Variants in ADAMTS6 observed in about 807,000 individuals in gnomAD.
ADAMTS6 encodes ADAM metallopeptidase with thrombospondin type 1 motif 6.
Under a neutral mutation model 144.3 loss-of-function variants are expected in ADAMTS6, and 23 were observed. The observed-to-expected ratio is 0.16, with a 90% CI of 0.11 to 0.23. The LOEUF is 0.23. ADAMTS6 is among the 10% of genes least tolerant of loss of function. The pLI is 1.00. For synonymous variants in ADAMTS6, 444 were observed against 457.5 expected, an observed-to-expected ratio of 0.97 and a Z score of 0.38; for missense variants, 999 against 1,379.6, an observed-to-expected ratio of 0.72 and a Z score of 4.37.
intron 3 of ADAMTS6, among the ~76,000 whole-genome samples, chr5:65,468,225 A>T (rs1381907854): frequency 6.6e-6 from 1 of 152,274 alleles, no homozygotes; most frequent in South Asian, 2.1e-4. Context: ...GAAAACACTA[A>T]TGATCTCTGC....
At chr5:65,293,423 G>A (rs1207852223) in intron 10 of ADAMTS6, among the ~76,000 whole-genome samples, 2 of 152,016 alleles carry the variant, frequency 1.3e-5, no homozygotes, top group East Asian at 1.9e-4. Context: ...TCACCTAAGT[G>A]ACACCAGCTT....
intron 12 of ADAMTS6, among the ~76,000 whole-genome samples, chr5:65,272,922 C>T (rs1186107382): frequency 6.8e-6 from 1 of 147,236 alleles, no homozygotes; most frequent in African/African-American, 2.5e-5. Flanking sequence ...CCATGAGACC[C>T]TGTCTCAAAA....
chr5:65,258,995 T>C (rs952822182), intron 14 of ADAMTS6, among the ~76,000 whole-genome samples: 5 of 151,984 alleles, frequency 3.3e-5, no homozygotes, highest in South Asian at 4.2e-4. Context: ...GAAAGGAGTA[T>C]TGGTAGAGCA....
At chr5:65,391,453 T>C (rs1752908447) in intron 7 of ADAMTS6, among the ~76,000 whole-genome samples, 2 of 150,622 alleles carry the variant, frequency 1.3e-5, no homozygotes, top group South Asian at 2.1e-4. Context: ...CACACACACT[T>C]TTTTTTCTCA....
chr5:65,324,684 A>G (rs1405141984), intron 9 of ADAMTS6, among the ~76,000 whole-genome samples: 2 of 152,074 alleles, frequency 1.3e-5, no homozygotes, highest in African/African-American at 4.8e-5. Flanking sequence ...AATACAGTTC[A>G]ATAAGAAAAG....
At chr5:65,317,840 G>A (rs1007861131) in intron 9 of ADAMTS6, among the ~76,000 whole-genome samples, 2 of 152,066 alleles carry the variant, frequency 1.3e-5, no homozygotes, top group African/African-American at 4.8e-5. Flanking sequence ...TTGGGAGGCC[G>A]AGGCGGGTGG....
At chr5:65,462,289 T>C (rs887764410) in intron 3 of ADAMTS6, among the ~76,000 whole-genome samples, 1 of 152,152 alleles carries the variant, frequency 6.6e-6, no homozygotes, top group African/African-American at 2.4e-5. Flanking sequence ...ACAGTCCAGA[T>C]AGGCTAGAGA....
chr5:65,423,186 G>C (rs1462588061), intron 7 of ADAMTS6, among the ~76,000 whole-genome samples: 5 of 152,170 alleles, frequency 3.3e-5, no homozygotes, highest in African/African-American at 7.2e-5. Context: ...GATAGGAGGA[G>C]GGTGAGGAAT....
intron 9 of ADAMTS6, among the ~76,000 whole-genome samples, chr5:65,326,817 G>A (rs1746217302): frequency 6.6e-6 from 1 of 152,112 alleles, no homozygotes; most frequent in African/African-American, 2.4e-5. Context: ...TGCCAGAGTT[G>A]ACCGCTAAGT....
intron 7 of ADAMTS6, among the ~76,000 whole-genome samples, chr5:65,353,523 G>A (rs562145469): frequency 5.3e-5 from 8 of 151,864 alleles, no homozygotes; most frequent in Non-Finnish European, 1.2e-4. Flanking sequence ...GGAATGCTGG[G>A]TAAACATTAA....
At chr5:65,237,932 C>G (rs1758818648) in intron 15 of ADAMTS6, among the ~76,000 whole-genome samples, 1 of 151,660 alleles carries the variant, frequency 6.6e-6, no homozygotes, top group South Asian at 2.1e-4. Flanking sequence ...ACAAAAAATA[C>G]AAAAATTAGC....
intron 14 of ADAMTS6, among the ~76,000 whole-genome samples, chr5:65,253,368 T>G (rs2112553962): frequency 6.6e-6 from 1 of 152,348 alleles, no homozygotes. Context: ...TCATTTGAAC[T>G]TATTCACTGT....
chr5:65,362,394 T>C (rs957495690), intron 7 of ADAMTS6, among the ~76,000 whole-genome samples: 1 of 152,208 alleles, frequency 6.6e-6, no homozygotes, highest in African/African-American at 2.4e-5. Flanking sequence ...GAAAAGTACT[T>C]AAACTTATTA....
At chr5:65,289,951 T>C (rs541825293) in intron 11 of ADAMTS6, among the ~76,000 whole-genome samples, 7 of 152,210 alleles carry the variant, frequency 4.6e-5, no homozygotes, top group African/African-American at 1.7e-4. Flanking sequence ...TATTGAAACA[T>C]AAACAACCTA....
chr5:65,281,579 GAA>G (rs1447117261), intron 11 of ADAMTS6, among the ~76,000 whole-genome samples: 3 of 151,898 alleles, frequency 2.0e-5, no homozygotes, highest in African/African-American at 7.3e-5. Flanking sequence ...GGTCTTCCAA[GAA>G]ACAAGACATT....
Position 65,224,905 on chromosome 5 carries a change from G to A in ADAMTS6, c.2191+19C>T. On this transcript the variant is annotated intron_variant, in intron 17 of 24. Transcript: ENST00000381055. The stretch of plus-strand genomic sequence containing the variant: ...AAGTACACCAGAGGTGTGAGGAAGA[G>A]TTCTCTCTACATACTCACCTCCCCT... 6.2e-7 allele frequency: 1 copy of A among 1,603,588 alleles called. No individual in the cohort carries two copies. Among genetic ancestry groups the A allele is most frequent in the Admixed American group, 1.8e-5 (1 of 57,102 alleles).
At chr5:65,361,616 T>G (rs931937439) in intron 7 of ADAMTS6, among the ~76,000 whole-genome samples, 1 of 152,200 alleles carries the variant, frequency 6.6e-6, no homozygotes, top group Admixed American at 6.5e-5. Flanking sequence ...TCTAAATCAG[T>G]TGGGCTAGAA....
intron 7 of ADAMTS6, among the ~76,000 whole-genome samples, chr5:65,363,804 A>C (rs1215329180): frequency 6.6e-6 from 1 of 152,230 alleles, no homozygotes; most frequent in Non-Finnish European, 1.5e-5. Context: ...TCACGGTAAG[A>C]AAATTATCTT....
At chr5:65,468,138 C>T (rs567424812) in intron 3 of ADAMTS6, among the ~76,000 whole-genome samples, 75 of 151,978 alleles carry the variant, frequency 4.9e-4, no homozygotes, top group Non-Finnish European at 9.3e-4. Flanking sequence ...AGCTGACAGA[C>T]TATAATGTTA....
Sources: allele counts gnomAD v4.1 joint callset (sites outside exome capture counted in the v4.1 genomes callset), GRCh38; gene constraint gnomAD v4.1.1; transcripts MANE v1.5; gene names NCBI Gene and HGNC (gene_info 2026-07-23, HGNC 2026-07-21).